Variants in RNF175 observed in about 807,000 individuals in gnomAD.
RNF175 encodes the protein ring finger protein 175.
RNF175 carries 38 observed loss-of-function variants against 50.0 expected under a neutral mutation model. The observed-to-expected ratio is 0.76, with a 90% CI of 0.59 to 1.00. RNF175 has a LOEUF of 1.00. RNF175 is among the 50% of genes least tolerant of loss of function. The probability of loss-of-function intolerance (pLI) is 0.00; values close to 1 mark genes in which losing one functional copy is unlikely to be tolerated. For synonymous variants in RNF175, 155 were observed against 146.1 expected (o/e 1.06, Z -0.44); for missense variants, 388 against 409.6 (o/e 0.95, Z 0.46).
At chr4:153,737,132 A>G (rs1360926687) in intron 3 of RNF175, among the ~76,000 whole-genome samples, 4 of 152,150 alleles carry the variant, frequency 2.6e-5, no homozygotes, top group African/African-American at 9.6e-5. Flanking sequence ...TGCTGGGATG[A>G]CAGGTGTGAG....
At position 153,710,345 on chromosome 4, in the gene RNF175, A is replaced by G. The variant is rs371470100; in HGVS notation, c.*24T>C. On this transcript the variant is annotated 3_prime_UTR_variant, in exon 9 of 9. Transcript: ENST00000347063. Reference sequence around the variant, plus strand: ...GGACCAAGGATTTCAACCATGCAGTATGTTGCTTCTGGGGTCTGCTGTCCT... The same window carrying G: ...GGACCAAGGATTTCAACCATGCAGTGTGTTGCTTCTGGGGTCTGCTGTCCT... The G allele has an allele frequency of 9.8e-6, 15 of 1,536,874 alleles. No individual in the cohort carries two copies. The highest frequency in any genetic ancestry group is 1.2e-5 in the Non-Finnish European group (14 of 1,136,390).
rs754645329 is a variant in RNF175, at chr4:153,715,568, CCTT to C, written c.722_724del (p.Glu241del). ...AAGCTGGTAGGTGTTTTCAATGAGC[CCTT>C]CTTCATCAAGCTCCACAATGATCTT... On this transcript the variant is annotated inframe_deletion, in exon 7 of 9. Coordinates refer to ENST00000347063, the MANE Select transcript of RNF175 (RefSeq NM_173662.4). 26 of 1,611,936 alleles carry C rather than the reference CCTT, an allele frequency of 1.6e-5. No individual in the cohort carries two copies. In the African/African-American group the frequency reaches 3.1e-4, roughly 19 times the overall value.
intron 4 of RNF175, among the ~76,000 whole-genome samples, chr4:153,726,145 G>T (rs2127117783): frequency 6.6e-6 from 1 of 152,006 alleles, no homozygotes; most frequent in South Asian, 2.1e-4. Context: ...TTGCTCTGTT[G>T]CCCAGGCTGG....
intron 3 of RNF175, among the ~76,000 whole-genome samples, chr4:153,743,657 T>C (rs1052229791): frequency 6.6e-6 from 1 of 152,044 alleles, no homozygotes; most frequent in Non-Finnish European, 1.5e-5. Flanking sequence ...TCCAAGGTGA[T>C]CCTTAGGACT....
At chr4:153,729,242 G>A (rs1738896515) in intron 3 of RNF175, among the ~76,000 whole-genome samples, 1 of 152,220 alleles carries the variant, frequency 6.6e-6, no homozygotes, top group Admixed American at 6.5e-5. Flanking sequence ...TGAACATAAG[G>A]GGAACGGCAA....
intron 7 of RNF175, 35 bp downstream of exon 7, chr4:153,715,494 G>A: frequency 6.4e-7 from 1 of 1,553,970 alleles, no homozygotes. Flanking sequence ...AAGGAGGCTT[G>A]ATGAAGCCCA....
chr4:153,751,706 C>T (rs1340880398), intron 1 of RNF175, among the ~76,000 whole-genome samples: 1 of 152,194 alleles, frequency 6.6e-6, no homozygotes, highest in Non-Finnish European at 1.5e-5. Context: ...GTTCCTGGAT[C>T]AGAGAATCAG....
intron 4 of RNF175, 96 bp downstream of exon 4, chr4:153,728,111 C>A (rs1560779036): frequency 5.0e-6 from 4 of 806,920 alleles, no homozygotes; most frequent in Non-Finnish European, 7.2e-6. Context: ...GAAATGTAAC[C>A]CCCCCACTCC....
rs375404691 is a variant in RNF175, at chr4:153,728,130, G to A, written c.401+77C>T. On this transcript the variant is annotated intron_variant, in intron 4 of 8. Coordinates refer to ENST00000347063, the MANE Select transcript of RNF175 (RefSeq NM_173662.4). The stretch of plus-strand genomic sequence containing the variant: ...TGTAACCCCCCCACTCCCCAACCCA[G>A]GAAAATGGCAATAAAATATGCTTTG... 66 of 1,160,780 alleles carry A rather than the reference G, an allele frequency of 5.7e-5. 1 individual carries two copies. The African/African-American group carries it at 7.5e-4, about 13-fold the overall frequency. The allele number at this position is 1,160,780 out of a possible 1,614,324, so 71.9% of individuals were successfully genotyped here.
intron 4 of RNF175, among the ~76,000 whole-genome samples, chr4:153,726,628 A>G (rs918046174): frequency 4.6e-5 from 7 of 152,218 alleles, no homozygotes; most frequent in Non-Finnish European, 7.3e-5. Context: ...CCTGTAATGA[A>G]ATCCTCTGCT....
At chr4:153,751,551 A>G in intron 1 of RNF175, 76 bp from the exon 2 acceptor site, 1 of 977,252 alleles carries the variant, frequency 1.0e-6, no homozygotes, top group South Asian at 1.5e-5. Context: ...AATATATGGG[A>G]AACCCAGACC....
At chr4:153,730,445 G>T (rs1579063926) in intron 3 of RNF175, among the ~76,000 whole-genome samples, 1 of 151,860 alleles carries the variant, frequency 6.6e-6, no homozygotes, top group Non-Finnish European at 1.5e-5. Flanking sequence ...AAAAAAGTGG[G>T]TAGCACCTTA....
At chr4:153,718,779 CA>C (rs1458407320) in intron 6 of RNF175, among the ~76,000 whole-genome samples, 2 of 151,976 alleles carry the variant, frequency 1.3e-5, no homozygotes, top group Non-Finnish European at 2.9e-5. Context: ...AGCATTTCAC[CA>C]CAGAATTTGG....
At chr4:153,742,487 G>A (rs1739722927) in intron 3 of RNF175, among the ~76,000 whole-genome samples, 1 of 152,100 alleles carries the variant, frequency 6.6e-6, no homozygotes, top group Non-Finnish European at 1.5e-5. Flanking sequence ...TTGCACAAAC[G>A]TTATAAACAA....
intron 1 of RNF175, 97 bp from the exon 2 acceptor site, chr4:153,751,572 A>G: frequency 3.8e-6 from 3 of 793,416 alleles, no homozygotes; most frequent in Non-Finnish European, 6.2e-6. Flanking sequence ...ATGAAAAATA[A>G]CAATGTCACA....
At chr4:153,725,639 C>T (rs1027080320) in intron 4 of RNF175, among the ~76,000 whole-genome samples, 2 of 152,238 alleles carry the variant, frequency 1.3e-5, no homozygotes, top group African/African-American at 4.8e-5. Context: ...GTTCTTTGGT[C>T]TGATCCAAGG....
intron 1 of RNF175, among the ~76,000 whole-genome samples, chr4:153,753,404 T>G (rs1740394796): frequency 6.6e-6 from 1 of 152,116 alleles, no homozygotes; most frequent in African/African-American, 2.4e-5. Context: ...CTGGCAGCCC[T>G]CATCTGAGTC....
At chr4:153,742,820 TATG>T (rs1739745964) in intron 3 of RNF175, among the ~76,000 whole-genome samples, 1 of 150,152 alleles carries the variant, frequency 6.7e-6, no homozygotes, top group African/African-American at 2.4e-5. Context: ...GTATAATTAT[TATG>T]AGTATTATAG....
chr4:153,719,192 G>A (rs1331424818), intron 6 of RNF175, among the ~76,000 whole-genome samples: 6 of 152,280 alleles, frequency 3.9e-5, no homozygotes, highest in Admixed American at 2.6e-4. Context: ...ATGTACAAGT[G>A]AGAATAGGCA....
Sources: allele counts gnomAD v4.1 joint callset (sites outside exome capture counted in the v4.1 genomes callset), GRCh38; gene constraint gnomAD v4.1.1; transcripts MANE v1.5; gene names NCBI Gene and HGNC (gene_info 2026-07-23, HGNC 2026-07-21).